The following ADD2 variants were observed in gnomAD, a reference collection of about 807,000 sequenced individuals.
ADD2 encodes beta-adducin.
A neutral mutation model predicts 83.0 loss-of-function variants in ADD2; 23 were observed. The ratio of observed to expected loss-of-function variants is 0.28; its 90% confidence interval spans 0.20 to 0.39. The LOEUF is 0.39. Among genes scored for constraint, ADD2 ranks in the 10% least tolerant of loss-of-function variants. ADD2 has a pLI of 1.00. For missense variants in ADD2, 758 were observed against 944.9 expected (o/e 0.80, Z 2.59); for synonymous variants, 375 against 375.4 (o/e 1.00, Z 0.01).
At chr2:70,762,242 G>A (rs1237553099) in intron 1 of ADD2, among the ~76,000 whole-genome samples, 1 of 151,732 alleles carries the variant, frequency 6.6e-6, no homozygotes, top group Non-Finnish European at 1.5e-5. Flanking sequence ...AAAGAAGAAA[G>A]CTTAAGAAGA....
chr2:70,678,685 G>A lies in ADD2; in HGVS notation c.1383+19C>T, dbSNP rs782556750. ...AGCCTGCCCCTCTCTGCCCGGGTCT[G>A]TCCTGGGCTCCCCCTTACCGTGGTC... On this transcript the variant is annotated intron_variant, in intron 11 of 15. Coordinates refer to ENST00000264436, the MANE Select transcript of ADD2 (RefSeq NM_001617.4). The A allele has an allele frequency of 2.4e-5, 37 of 1,539,574 alleles. No individual in the cohort carries two copies. Among genetic ancestry groups the A allele is most frequent in the Non-Finnish European group, 3.2e-5 (37 of 1,143,706 alleles).
Position 70,676,267 on chromosome 2 carries a change from T to C in ADD2, c.1593+529A>G. 18 of 991,882 alleles carry C rather than the reference T, an allele frequency of 1.8e-5. No homozygotes were observed. The highest frequency in any genetic ancestry group is 2.0e-5 in the Non-Finnish European group (17 of 834,462). The allele number at this position is 991,882 out of a possible 1,614,324, so 61.4% of individuals were successfully genotyped here. A position where few individuals can be genotyped will look rare whatever the true frequency, so the allele number is the denominator to read the frequency against. On this transcript the variant is annotated intron_variant, in intron 13 of 15. Coordinates refer to ENST00000264436, the MANE Select transcript of ADD2 (RefSeq NM_001617.4). This position sits in a 1 kb window ranked among gnomAD's most constrained non-coding sequence, Gnocchi z 4.8. ...AAGCACAAAAACAATTACAATACTT[T>C]CTAACTCAATGTGGGTTTGTGTGGG... is the stretch of plus-strand genomic sequence containing the variant.
intron 1 of ADD2, among the ~76,000 whole-genome samples, chr2:70,725,231 C>G (rs1386119136): frequency 1.3e-5 from 2 of 152,164 alleles, no homozygotes; most frequent in African/African-American, 2.4e-5. Context: ...ATAGAAGAAG[C>G]ATTCAATAAT....
rs782660940 is a variant in ADD2 at position 70,676,813 on chromosome 2, C to T, written c.1576G>A (p.Glu526Lys). ...TGCTCTACCGGGCTTCGGCTCTTCT[C>T]GGCAATGACGCTCGCCAGGAGCTGG... ...QSQLLASVIA[E>K]KSRSPSTESQ... Residue 526 changes from glutamate to lysine, a missense_variant, in exon 13 of 16, where the codon GAG (glutamate) becomes AAG (lysine). Transcript: ENST00000264436. This position sits in a 1 kb window ranked among gnomAD's most constrained non-coding sequence, Gnocchi z 4.8. The T allele has an allele frequency of 7.4e-6, 12 of 1,614,080 alleles. No homozygotes were observed. The highest frequency in any genetic ancestry group is 2.7e-5 in the African/African-American group (2 of 74,936).
intron 1 of ADD2, among the ~76,000 whole-genome samples, chr2:70,757,292 G>GTC (rs1558583445): frequency 5.5e-5 from 8 of 146,068 alleles, no homozygotes; most frequent in African/African-American, 2.0e-4. Context: ...GATTTGTGGG[G>GTC]GGGGGGGATT....
At chr2:70,671,749 G>A (rs1669903826) in intron 15 of ADD2, among the ~76,000 whole-genome samples, 1 of 152,168 alleles carries the variant, frequency 6.6e-6, no homozygotes, top group Admixed American at 6.5e-5. Flanking sequence ...GGCAACACTG[G>A]GCCTGCACAG....
rs1553374464 is a variant in ADD2 at position 70,706,351 on chromosome 2, A to G, written c.58T>C (p.Tyr20His). The G allele has an allele frequency of 6.2e-7, 1 of 1,613,450 alleles. No individual in the cohort carries two copies. The highest frequency in any genetic ancestry group is 2.2e-5 in the East Asian group (1 of 44,836). The change falls in exon 3 of 16, where the codon TAC becomes CAC. Residue 20 changes from tyrosine (Y) to histidine (H), a missense_variant. This residue lies in a region of ADD2 where 175 missense variants were observed against 192.1 expected (regional missense o/e 0.91). Coordinates refer to ENST00000264436, the MANE Select transcript of ADD2 (RefSeq NM_001617.4). This position sits in a 1 kb window ranked among gnomAD's most constrained non-coding sequence, Gnocchi z 5.0. Reference protein sequence around the residue: ...ASPPPPQGQPYFDRFSEDDPE... With the variant: ...ASPPPPQGQPHFDRFSEDDPE... ...TCGTCCTCTGAGAAGCGGTCAAAGT[A>G]AGGCTGCCCCTGCGGGGGCGGCGGC...
At chr2:70,720,052 T>G (rs1672658390) in intron 1 of ADD2, among the ~76,000 whole-genome samples, 1 of 152,060 alleles carries the variant, frequency 6.6e-6, no homozygotes, top group African/African-American at 2.4e-5. Flanking sequence ...GAGGTGGGAA[T>G]AAATGCTCAT....
chr2:70,760,655 C>T (rs782080585), intron 1 of ADD2: 5 of 152,158 alleles, frequency 3.3e-5, no homozygotes, highest in Non-Finnish European at 7.3e-5. Context: ...GGGTGTGGTT[C>T]AAGGGTGCAC....
At chr2:70,675,551 A>G (rs756214730) in intron 13 of ADD2, 1 of 985,398 alleles carries the variant, frequency 1.0e-6, no homozygotes, top group Non-Finnish European at 1.2e-6. Flanking sequence ...CCAAGATAGG[A>G]ACTAAAATTC....
chr2:70,702,172 T>C (rs782617755), intron 4 of ADD2, among the ~76,000 whole-genome samples: 6 of 152,190 alleles, frequency 3.9e-5, no homozygotes, highest in Admixed American at 6.6e-5. Flanking sequence ...TTGATTTTTG[T>C]TTTTGCTTTT....
chr2:70,761,379 T>G (rs1675078997), intron 1 of ADD2, among the ~76,000 whole-genome samples: 1 of 150,148 alleles, frequency 6.7e-6, no homozygotes, highest in African/African-American at 2.4e-5. Context: ...GAGGCCGAGG[T>G]GGGTGGATCA....
chr2:70,719,562 T>A (rs1265421770), intron 1 of ADD2, among the ~76,000 whole-genome samples: 2 of 152,160 alleles, frequency 1.3e-5, no homozygotes, highest in Non-Finnish European at 2.9e-5. Flanking sequence ...GAAGCCCTGG[T>A]GATGGAGAGA....
At chr2:70,704,203 C>CA in intron 4 of ADD2, 118 bp downstream of exon 4, 1 of 1,376,744 alleles carries the variant, frequency 7.3e-7, no homozygotes, top group South Asian at 1.4e-5. Flanking sequence ...CCTGATAACA[C>CA]AATGGGCTGC....
chr2:70,685,860 A>G (rs1029478524), intron 9 of ADD2, among the ~76,000 whole-genome samples: 3 of 152,186 alleles, frequency 2.0e-5, no homozygotes, highest in Non-Finnish European at 4.4e-5. Context: ...TGGGTAGCAG[A>G]TGGAGAAGAA....
chr2:70,697,941 C>T (rs1458410055), intron 4 of ADD2, among the ~76,000 whole-genome samples: 1 of 152,204 alleles, frequency 6.6e-6, no homozygotes, highest in Non-Finnish European at 1.5e-5. Flanking sequence ...ACACAGATAG[C>T]AGGGACAGCA....
At chr2:70,729,492 C>A (rs947636051) in intron 1 of ADD2, among the ~76,000 whole-genome samples, 6 of 152,174 alleles carry the variant, frequency 3.9e-5, no homozygotes, top group Admixed American at 6.5e-5. Context: ...ACCTCTTCCC[C>A]ACCCCTTCAT....
chr2:70,690,742 G>C (rs782686154), intron 8 of ADD2, 44 bp downstream of exon 8: 2 of 1,574,588 alleles, frequency 1.3e-6, no homozygotes, highest in Admixed American at 1.9e-5. Context: ...GTTGGCTTTT[G>C]ACAATGCCAC....
chr2:70,678,926 A>C lies in ADD2; in HGVS notation c.1161T>G (p.Phe387Leu). The C allele has an allele frequency of 2.5e-6, 4 of 1,614,036 alleles. No homozygotes were observed. Among genetic ancestry groups the C allele is most frequent in the Non-Finnish European group, 3.4e-6 (4 of 1,179,960 alleles). The part of the protein sequence containing the change: ...YRTGYTYRHP[F>L]VQEKTKHKSE... ...TTTTGTGTTTGGTTTTCTCTTGAAC[A>C]AAGGGGTGGCGATACGTGTAACCTG... The change falls in exon 11 of 16, where the codon TTT becomes TTG. Residue 387 changes from phenylalanine (F) to leucine (L), a missense_variant. By Grantham distance (22) the Phe-to-Leu change is conservative. Transcript: ENST00000264436.
Sources: gnomAD v4.1 joint callset for allele counts (sites outside exome capture counted in the v4.1 genomes callset) on GRCh38, gnomAD v4.1.1 for gene constraint, gnomAD v4.1.1 regional missense constraint, Gnocchi (gnomAD v3.1) non-coding constraint, MANE v1.5 for transcripts, NCBI Gene and HGNC (gene_info 2026-07-23, HGNC 2026-07-21) for gene names.